The following CLYBL variants were observed in gnomAD, a reference collection of about 807,000 sequenced individuals.
The protein encoded by CLYBL is citramalyl-CoA lyase, mitochondrial.
A neutral mutation model predicts 38.9 loss-of-function variants in CLYBL; 31 were observed. The observed-to-expected ratio is 0.80, with a 90% CI of 0.60 to 1.08. The LOEUF is 1.08. Among genes scored for constraint, CLYBL ranks in the 50% least tolerant of loss-of-function variants. The pLI, the probability that CLYBL is intolerant of heterozygous loss-of-function variation, is 0.00. For missense variants in CLYBL, 434 were observed against 411.6 expected (o/e 1.05, Z -0.47); for synonymous variants, 171 against 158.6 (o/e 1.08, Z -0.59).
intron 2 of CLYBL, among the ~76,000 whole-genome samples, chr13:99,779,374 C>T (rs1319925195): frequency 2.0e-5 from 3 of 152,126 alleles, no homozygotes; most frequent in African/African-American, 7.2e-5. Context: ...AACTCCTGAC[C>T]TCAGGTGATC....
intron 2 of CLYBL, chr13:99,784,132 A>G (rs950965017): frequency 6.6e-6 from 1 of 152,244 alleles, no homozygotes; most frequent in African/African-American, 2.4e-5. Context: ...GAAGTCAATC[A>G]TCATGCTTGT....
chr13:99,866,331 T>A lies in CLYBL; in HGVS notation c.726T>A (p.Asp242Glu), dbSNP rs2051743061. 1 of 1,614,028 alleles carries A rather than the reference T, an allele frequency of 6.2e-7. No homozygotes were observed. Among genetic ancestry groups the A allele is most frequent in the Admixed American group, 1.7e-5 (1 of 59,998 alleles). Residue 242 changes from aspartate (D) to glutamate (E), a missense_variant, in exon 6 of 9, where the codon GAT (aspartate) becomes GAA (glutamate). By Grantham distance (45) the Asp-to-Glu change is conservative. Coordinates refer to ENST00000339105, the MANE Select transcript of CLYBL (RefSeq NM_206808.5). ...AAGCCTTTGGTCTCCAAGCCATAGA[T>A]CTGGTGTACATTGACTTTCGAGATG... ...IAKAFGLQAI[D>E]LVYIDFRDGA...
intron 1 of CLYBL, among the ~76,000 whole-genome samples, chr13:99,664,052 A>G (rs2047445864): frequency 6.6e-6 from 1 of 152,262 alleles, no homozygotes; most frequent in Non-Finnish European, 1.5e-5. Context: ...AAGGAAAAAG[A>G]GAAAAAGTCA....
chr13:99,730,145 A>G (rs1391762193), intron 1 of CLYBL, among the ~76,000 whole-genome samples: 1 of 152,196 alleles, frequency 6.6e-6, no homozygotes, highest in Non-Finnish European at 1.5e-5. Context: ...GATCTTTCCA[A>G]GGCCTTGTCA....
At chr13:99,756,676 C>T (rs1465673585) in intron 1 of CLYBL, among the ~76,000 whole-genome samples, 1 of 152,200 alleles carries the variant, frequency 6.6e-6, no homozygotes, top group Non-Finnish European at 1.5e-5. Flanking sequence ...CAAGACCGCT[C>T]TTCCAGTGTT....
intron 7 of CLYBL, among the ~76,000 whole-genome samples, chr13:99,881,219 C>T (rs747973547): frequency 6.6e-5 from 10 of 152,128 alleles, no homozygotes; most frequent in Admixed American, 5.2e-4. Flanking sequence ...TGAATGACTT[C>T]GGTTGAACTT....
In CLYBL at chr13:99,869,014, CAG is replaced by C. The variant is rs1435306031; in HGVS notation, c.803-1923_803-1922del. 6.6e-6 allele frequency among the ~76,000 whole-genome samples: 1 copy of C among 152,150 alleles called. No individual in the cohort carries two copies. Among genetic ancestry groups the C allele is most frequent in the African/African-American group, 2.4e-5 (1 of 41,448 alleles). The stretch of plus-strand genomic sequence containing the variant: ...AATGTCTTCCAATTTTGCACCCTCT[CAG>C]TAACTTGTCAATAACAACTCTTTTG... On this transcript the variant is annotated intron_variant, in intron 6 of 8. Coordinates refer to ENST00000339105, the MANE Select transcript of CLYBL (RefSeq NM_206808.5). The surrounding 1 kb of genome is among the most constrained non-coding windows in gnomAD (Gnocchi z 4.3).
At chr13:99,812,740 C>T (rs756015492) in intron 2 of CLYBL, among the ~76,000 whole-genome samples, 11 of 152,172 alleles carry the variant, frequency 7.2e-5, no homozygotes, top group Non-Finnish European at 1.0e-4. Context: ...TAACACCAGC[C>T]GGTTAACTGG....
chr13:99,748,985 C>T (rs1440200649), intron 1 of CLYBL, among the ~76,000 whole-genome samples: 1 of 152,024 alleles, frequency 6.6e-6, no homozygotes, highest in Admixed American at 6.5e-5. Context: ...TCGAGACCAG[C>T]CTGGACCACA....
At chr13:99,884,386 C>G (rs1208390104) in intron 7 of CLYBL, among the ~76,000 whole-genome samples, 3 of 152,136 alleles carry the variant, frequency 2.0e-5, no homozygotes, top group Non-Finnish European at 2.9e-5. Flanking sequence ...ATCATGTGCC[C>G]TGGTCTGTCT....
At chr13:99,651,356 C>T (rs749682022) in intron 1 of CLYBL, among the ~76,000 whole-genome samples, 7 of 151,842 alleles carry the variant, frequency 4.6e-5, no homozygotes, top group East Asian at 1.9e-4. Context: ...AGTGGCCTGA[C>T]GTCAGGAGTT....
At chr13:99,684,035 A>ATTTTTTTTTTTTT (rs778902077) in intron 1 of CLYBL, among the ~76,000 whole-genome samples, 7 of 86,378 alleles carry the variant, frequency 8.1e-5, no homozygotes, top group Admixed American at 1.4e-4. Flanking sequence ...TGCCTGGCTA[A>ATTTTTTTTTTTTT]TTTTTTTTTT....
downstream of CLYBL, chr13:99,893,149 G>C (rs965541734): frequency 3.3e-5 from 5 of 152,354 alleles, no homozygotes; most frequent in Non-Finnish European, 7.3e-5. Context: ...AGAGCGGCCA[G>C]AAAGGAAGGT....
chr13:99,872,013 G>C (rs1003217274), intron 7 of CLYBL, among the ~76,000 whole-genome samples: 4 of 142,650 alleles, frequency 2.8e-5, no homozygotes, highest in South Asian at 2.3e-4. Context: ...AAAAGAAAAA[G>C]AAAAACTGGT....
chr13:99,827,744 A>T (rs1452731668), intron 2 of CLYBL, among the ~76,000 whole-genome samples: 1 of 152,224 alleles, frequency 6.6e-6, no homozygotes, highest in African/African-American at 2.4e-5. Flanking sequence ...ATATTTATAC[A>T]TGCAAGGCTC....
chr13:99,649,330 G>A (rs892342734), intron 1 of CLYBL, among the ~76,000 whole-genome samples: 1 of 152,032 alleles, frequency 6.6e-6, no homozygotes, highest in African/African-American at 2.4e-5. Flanking sequence ...GTGGGGAAAC[G>A]GTTTTAACTA....
intron 1 of CLYBL, among the ~76,000 whole-genome samples, chr13:99,722,394 T>A (rs2048406723): frequency 6.6e-6 from 1 of 151,868 alleles, no homozygotes; most frequent in African/African-American, 2.4e-5. Flanking sequence ...CCTCTTTCTA[T>A]CAAGCTGAGC....
At chr13:99,882,263 A>G (rs529440254) in intron 7 of CLYBL, among the ~76,000 whole-genome samples, 70 of 152,268 alleles carry the variant, frequency 4.6e-4, no homozygotes, top group African/African-American at 1.7e-3. Context: ...TCGTCCTCTT[A>G]AGTTCCTTTA....
intron 2 of CLYBL, among the ~76,000 whole-genome samples, chr13:99,776,487 C>T (rs1415272145): frequency 6.9e-6 from 1 of 144,398 alleles, no homozygotes; most frequent in Non-Finnish European, 1.5e-5. Context: ...CAGAGCAGGA[C>T]TCTGTCTCAA....
Sources: allele counts gnomAD v4.1 joint callset (sites outside exome capture counted in the v4.1 genomes callset), GRCh38; gene constraint gnomAD v4.1.1; non-coding constraint Gnocchi (gnomAD v3.1); transcripts MANE v1.5; gene names NCBI Gene and HGNC (gene_info 2026-07-23, HGNC 2026-07-21).